Variants in TRIQK observed in about 807,000 individuals in gnomAD.
TRIQK encodes the protein triple QxxK/R motif containing, also known as triple QxxK/R motif-containing protein.
A neutral mutation model predicts 10.8 loss-of-function variants in TRIQK; 10 were observed. The observed-to-expected ratio is 0.92, with a 90% CI of 0.57 to 1.57. The LOEUF (loss-of-function observed/expected upper bound fraction) is 1.57. Ranked by LOEUF, TRIQK falls within the 40% of genes most tolerant of loss-of-function variation. TRIQK has a pLI of 0.00. For synonymous variants in TRIQK, 33 were observed against 33.7 expected (o/e 0.98, Z 0.07); for missense variants, 107 against 97.7 (o/e 1.09, Z -0.40).
At chr8:92,911,016 T>A (rs1385097487) in intron 3 of TRIQK, among the ~76,000 whole-genome samples, 3 of 151,396 alleles carry the variant, frequency 2.0e-5, no homozygotes, top group Non-Finnish European at 4.4e-5. Flanking sequence ...ACAGGGAATG[T>A]TAACAAAATT....
chr8:93,008,770 A>C (rs574046856), intron 1 of TRIQK, among the ~76,000 whole-genome samples: 1 of 152,312 alleles, frequency 6.6e-6, no homozygotes, highest in East Asian at 1.9e-4. Flanking sequence ...TGGAAAAATT[A>C]TACATCGACA....
chr8:92,952,130 T>C (rs751961374), intron 2 of TRIQK, among the ~76,000 whole-genome samples: 17 of 151,396 alleles, frequency 1.1e-4, no homozygotes, highest in Middle Eastern at 3.4e-3. Flanking sequence ...GAACCAGATA[T>C]GGCAGGGATG....
In TRIQK at chr8:92,928,678, A is replaced by T. The variant is rs959843196; in HGVS notation, c.-21-11668T>A. Among the ~76,000 whole-genome samples the T allele has an allele frequency of 2.6e-5, 4 of 152,340 alleles. No individual in the cohort carries two copies. In the South Asian group the frequency reaches 8.3e-4, roughly 32 times the overall value. ...TCTTTTGCATATTAGCATTTGAGAA[A>T]CACAGCTGGAAGTAGATGGGAGGCC... is the stretch of plus-strand genomic sequence containing the variant. On this transcript the variant is annotated intron_variant, in intron 2 of 4. Transcript: ENST00000521988.
intron 3 of TRIQK, among the ~76,000 whole-genome samples, chr8:92,913,627 C>T (rs1809681010): frequency 6.6e-6 from 1 of 151,984 alleles, no homozygotes; most frequent in Non-Finnish European, 1.5e-5. Flanking sequence ...GGGTATATAC[C>T]CAAAGGATTA....
chr8:92,973,786 T>C (rs1393930016), intron 1 of TRIQK: 2 of 152,188 alleles, frequency 1.3e-5, no homozygotes, highest in African/African-American at 4.8e-5. Flanking sequence ...TCCGGTCTAG[T>C]ACATTCTCGT....
chr8:92,906,967 T>C (rs545702059), intron 3 of TRIQK, among the ~76,000 whole-genome samples: 25 of 152,234 alleles, frequency 1.6e-4, no homozygotes, highest in African/African-American at 5.8e-4. Context: ...TTTGGGTAGC[T>C]GTGGAGGATG....
intron 2 of TRIQK, among the ~76,000 whole-genome samples, chr8:92,936,628 T>A (rs963995325): frequency 6.6e-6 from 1 of 151,534 alleles, no homozygotes; most frequent in Non-Finnish European, 1.5e-5. Context: ...GACAAAGACA[T>A]TGCAGTGAGA....
rs532652297 is a variant in TRIQK, at chr8:92,905,749, GCTAA to G, written c.61+11176_61+11179del. Among the ~76,000 whole-genome samples the G allele has an allele frequency of 3.2e-4, 48 of 152,272 alleles. No individual in the cohort carries two copies. The South Asian group carries it at 9.5e-3, about 30-fold the overall frequency. Reference sequence around the variant, plus strand: ...TTCAATGGAATCTGAAGTACTGTTAGCTAACTGAGACATAGAAGCAACCCTTCAG... The same window carrying G: ...TTCAATGGAATCTGAAGTACTGTTAGCTGAGACATAGAAGCAACCCTTCAG... On this transcript the variant is annotated intron_variant, in intron 3 of 4. Transcript: ENST00000521988.
chr8:92,944,061 A>C (rs778797093), intron 2 of TRIQK, among the ~76,000 whole-genome samples: 16 of 152,216 alleles, frequency 1.1e-4, no homozygotes, highest in Non-Finnish European at 2.1e-4. Flanking sequence ...AAAAGACCTG[A>C]ATAGACATTT....
At chr8:92,932,119 T>A (rs1810758381) in intron 2 of TRIQK, among the ~76,000 whole-genome samples, 1 of 152,074 alleles carries the variant, frequency 6.6e-6, no homozygotes, top group Non-Finnish European at 1.5e-5. Flanking sequence ...TACATTTCAA[T>A]TTCTTCTTTA....
intron 1 of TRIQK, among the ~76,000 whole-genome samples, chr8:92,987,123 A>G (rs934277024): frequency 2.0e-5 from 3 of 152,188 alleles, no homozygotes. Context: ...CCATCCCTGA[A>G]TCTAATCAAG....
chr8:93,010,280 C>G (rs1016743412), intron 1 of TRIQK, among the ~76,000 whole-genome samples: 2 of 152,068 alleles, frequency 1.3e-5, no homozygotes, highest in African/African-American at 4.8e-5. Context: ...GATCTCACTA[C>G]ACAGAAATGA....
At chr8:92,995,521 T>A (rs1813144536) in intron 1 of TRIQK, among the ~76,000 whole-genome samples, 1 of 152,058 alleles carries the variant, frequency 6.6e-6, no homozygotes, top group South Asian at 2.1e-4. Flanking sequence ...GGGTCTATCC[T>A]ATGAGATTTT....
chr8:92,893,289 C>T (rs1021515206), intron 3 of TRIQK, among the ~76,000 whole-genome samples: 70 of 151,890 alleles, frequency 4.6e-4, no homozygotes, highest in African/African-American at 1.6e-3. Context: ...AATGGATGGG[C>T]GTAGTGAAGA....
At chr8:92,910,193 A>G (rs1469646731) in intron 3 of TRIQK, among the ~76,000 whole-genome samples, 1 of 151,480 alleles carries the variant, frequency 6.6e-6, no homozygotes, top group Non-Finnish European at 1.5e-5. Flanking sequence ...TTTAAATTCT[A>G]GTAAGTACAA....
chr8:92,908,356 T>A (rs1809391540), intron 3 of TRIQK, among the ~76,000 whole-genome samples: 1 of 152,180 alleles, frequency 6.6e-6, no homozygotes, highest in African/African-American at 2.4e-5. Context: ...AATGCACTGT[T>A]ATTTTCTGAA....
intron 1 of TRIQK, among the ~76,000 whole-genome samples, chr8:92,997,074 G>A (rs55860669): frequency 0.031 from 4,678 of 152,048 alleles, 119 homozygotes; most frequent in South Asian, 0.049. Context: ...GTTAGTACTA[G>A]GGTAGTAATT....
chr8:92,938,592 T>C (rs1306555425), intron 2 of TRIQK, among the ~76,000 whole-genome samples: 3 of 152,134 alleles, frequency 2.0e-5, no homozygotes, highest in Non-Finnish European at 4.4e-5. Flanking sequence ...TTTTTATTTC[T>C]TCCCCTGCCC....
intron 4 of TRIQK, 152 bp from the exon 5 acceptor site, chr8:92,886,887 C>A: frequency 2.4e-6 from 1 of 417,830 alleles, no homozygotes; most frequent in Non-Finnish European, 4.5e-6. Context: ...CATTTTTTGC[C>A]GTTAAGAAAC....
Sources: gnomAD v4.1 joint callset for allele counts (sites outside exome capture counted in the v4.1 genomes callset) on GRCh38, gnomAD v4.1.1 for gene constraint, MANE v1.5 for transcripts, NCBI Gene and HGNC (gene_info 2026-07-23, HGNC 2026-07-21) for gene names.